Variants in PKHD1L1 observed in about 807,000 individuals in gnomAD.
The protein encoded by PKHD1L1 is fibrocystin-L.
Under a neutral mutation model 462.9 loss-of-function variants are expected in PKHD1L1, and 434 were observed. That is an observed-to-expected ratio of 0.94 (90% CI 0.87 to 1.02). The LOEUF is 1.02. PKHD1L1 is among the 50% of genes least tolerant of loss of function. The pLI is 0.00. For synonymous variants in PKHD1L1, 1,781 were observed against 1,750.0 expected (o/e 1.02, Z -0.44); for missense variants, 5,202 against 5,096.1 (o/e 1.02, Z -0.63).
At position 109,435,276 on chromosome 8, in the gene PKHD1L1, A is replaced by G. The variant is rs1320027996; in HGVS notation, c.3427A>G (p.Asn1143Asp). The G allele has an allele frequency of 6.2e-7, 1 of 1,613,864 alleles. No homozygotes were observed. The highest frequency in any genetic ancestry group is 2.2e-5 in the East Asian group (1 of 44,880). Reference sequence around the variant, plus strand: ...CATGGCTGATGTTGGACTAGCACAGAATGTAGGGGGTGAAGAGTTCTACTT... The same window carrying G: ...CATGGCTGATGTTGGACTAGCACAGGATGTAGGGGGTGAAGAGTTCTACTT... ...VSMADVGLAQ[N>D]VGGEEFYFVY... The change falls in exon 29 of 78, where the codon AAT (asparagine) becomes GAT (aspartate). Residue 1143 changes from asparagine to aspartate, a missense_variant. Asn to Asp is a conservative substitution (Grantham distance 23). Transcript: ENST00000378402.
chr8:109,417,264 A>G (rs1470703151), intron 21 of PKHD1L1, among the ~76,000 whole-genome samples: 1 of 152,162 alleles, frequency 6.6e-6, no homozygotes, highest in African/African-American at 2.4e-5. Flanking sequence ...TTTACATGAT[A>G]TGATTATTAT....
chr8:109,474,279 T>C (rs1301054273), intron 50 of PKHD1L1, among the ~76,000 whole-genome samples: 2 of 152,118 alleles, frequency 1.3e-5, no homozygotes, highest in Admixed American at 1.3e-4. Context: ...TACTTTAATA[T>C]AAAATCCAAT....
intron 72 of PKHD1L1, among the ~76,000 whole-genome samples, chr8:109,516,905 A>G (rs937445268): frequency 7.2e-5 from 11 of 152,154 alleles, no homozygotes; most frequent in African/African-American, 2.7e-4. Flanking sequence ...ATAGTGGAAT[A>G]AGGCACTTCG....
intron 46 of PKHD1L1, among the ~76,000 whole-genome samples, chr8:109,459,187 C>T (rs1816976612): frequency 6.6e-6 from 1 of 152,042 alleles, no homozygotes; most frequent in Admixed American, 6.6e-5. Context: ...CCCCTGGTCT[C>T]TACCTACCAG....
At position 109,394,425 on chromosome 8, in the gene PKHD1L1, C is replaced by T; in HGVS notation, c.751C>T (p.Gln251Ter). The stretch of plus-strand genomic sequence containing the variant: ...ATCTTTTTTTAACAGGAGTTTTCCA[C>T]AGAAAATGGCATATTTTGTTTCTTC... Reference protein sequence around the residue: ...LDNDYGRSFPQKMAYFVSSLN... With the variant: ...LDNDYGRSFP Residue 251 changes from glutamine (Q) to a stop codon, truncating the protein, a stop_gained, in exon 10 of 78, where the codon CAG (glutamine) becomes TAG (stop). Coordinates refer to ENST00000378402, the MANE Select transcript of PKHD1L1 (RefSeq NM_177531.6). LOFTEE classifies it high-confidence loss of function. 6.7e-7 allele frequency: 1 copy of T among 1,503,646 alleles called. No homozygotes were observed. The highest frequency in any genetic ancestry group is 2.2e-5 in the Admixed American group (1 of 45,536). 93.1% of individuals were successfully genotyped at this position (1,503,646 alleles called of 1,614,324 possible).
chr8:109,452,845 C>A lies in PKHD1L1; in HGVS notation c.6635C>A (p.Thr2212Asn). Reference sequence around the variant, plus strand: ...CAGACCATTCTGCTGGATCAAAGCACCCCTATTTTGAAAATGTTGCTTATT... The same window carrying A: ...CAGACCATTCTGCTGGATCAAAGCAACCCTATTTTGAAAATGTTGCTTATT... ...KGQTILLDQS[T>N]PILKMLLIQG... is the part of the protein sequence containing the mutation. The change falls in exon 43 of 78, where the codon ACC becomes AAC. Residue 2212 changes from threonine (T) to asparagine (N), a missense_variant. Thr to Asn is a moderately conservative substitution (Grantham distance 65, BLOSUM62 0). Transcript: ENST00000378402. The A allele has an allele frequency of 6.7e-7, 1 of 1,501,946 alleles. No homozygotes were observed. Among genetic ancestry groups the A allele is most frequent in the Non-Finnish European group, 8.9e-7 (1 of 1,126,706 alleles). The allele number at this position is 1,501,946 out of a possible 1,614,324, so 93.0% of individuals were successfully genotyped here.
chr8:109,379,264 G>A (rs1243070648), intron 2 of PKHD1L1, among the ~76,000 whole-genome samples: 1 of 152,120 alleles, frequency 6.6e-6, no homozygotes. Context: ...TACCGGAACT[G>A]ACCCTCCAAT....
chr8:109,480,456 T>A, intron 55 of PKHD1L1: 1 of 417,764 alleles, frequency 2.4e-6, no homozygotes. Context: ...GTCCTAGGAG[T>A]TCTGAAACAA....
chr8:109,514,984 T>A (rs1324151490), intron 71 of PKHD1L1, among the ~76,000 whole-genome samples, 186 bp from the exon 72 acceptor site: 1 of 152,104 alleles, frequency 6.6e-6, no homozygotes, highest in Non-Finnish European at 1.5e-5. Context: ...AAGGGTTAAG[T>A]TGTACTATCT....
intron 14 of PKHD1L1, among the ~76,000 whole-genome samples, chr8:109,403,521 G>T (rs559215904): frequency 1.3e-5 from 2 of 152,240 alleles, no homozygotes; most frequent in African/African-American, 4.8e-5. Context: ...CAAAGAAAGT[G>T]CCCAATTAAT....
chr8:109,383,650 C>G (rs1812287566), intron 4 of PKHD1L1, among the ~76,000 whole-genome samples: 1 of 151,200 alleles, frequency 6.6e-6, no homozygotes. Flanking sequence ...AAATACGATT[C>G]CCAGATATCT....
intron 26 of PKHD1L1, 144 bp from the exon 27 acceptor site, chr8:109,429,788 T>C: frequency 1.5e-6 from 1 of 663,490 alleles, no homozygotes; most frequent in East Asian, 2.8e-5. Flanking sequence ...CAAAAATGAA[T>C]GAAATATCAA....
In PKHD1L1 at chr8:109,449,335, T is replaced by A. The variant is rs370840692; in HGVS notation, c.6026-3T>A. The A allele has an allele frequency of 3.1e-4, 485 of 1,567,008 alleles. 1 individual carries two copies. The highest frequency in any genetic ancestry group is 3.8e-4 in the Non-Finnish European group (439 of 1,154,678). Reference sequence around the variant, plus strand: ...GTTTTTCCTTTTTATTTGTCTTCACTAGGGAGCTTTGGTGGGGGTCAAACC... The same window carrying A: ...GTTTTTCCTTTTTATTTGTCTTCACAAGGGAGCTTTGGTGGGGGTCAAACC... On this transcript the variant is annotated splice_region_variant and splice_polypyrimidine_tract_variant and intron_variant, in intron 39 of 77. Transcript: ENST00000378402.
intron 68 of PKHD1L1, among the ~76,000 whole-genome samples, chr8:109,505,125 A>G (rs1173778216): frequency 6.6e-6 from 1 of 151,996 alleles, no homozygotes; most frequent in Non-Finnish European, 1.5e-5. Flanking sequence ...CCTGGCCTCA[A>G]GGGTTCCTTC....
At chr8:109,380,673 T>C (rs775062682) in intron 2 of PKHD1L1, among the ~76,000 whole-genome samples, 1 of 152,194 alleles carries the variant, frequency 6.6e-6, no homozygotes, top group Non-Finnish European at 1.5e-5. Flanking sequence ...ACATGCTATA[T>C]TTTCCTTAGA....
chr8:109,452,327 A>G, intron 42 of PKHD1L1, 47 bp downstream of exon 42: 3 of 1,434,500 alleles, frequency 2.1e-6, no homozygotes, highest in Admixed American at 2.4e-5. Context: ...GAAAACCAGC[A>G]TTATGGGAGG....
Position 109,507,852 on chromosome 8 carries a change from G to A in PKHD1L1, c.11184G>A (p.Leu3728=). 6.2e-7 allele frequency: 1 copy of A among 1,613,542 alleles called. No homozygotes were observed. Among genetic ancestry groups the A allele is most frequent in the South Asian group, 1.1e-5 (1 of 91,066 alleles). ...TTCCTAAGGCGATGCTCACATTCTT[G>A]AATGGAAGTAGAATTCCTGTCACTG... ...YRIPKAMLTF[L]NGSRIPVTEK... The change falls in exon 69 of 78, where the codon TTG becomes TTA. Residue 3728 remains leucine (L), a synonymous_variant. Coordinates refer to ENST00000378402, the MANE Select transcript of PKHD1L1 (RefSeq NM_177531.6).
At chr8:109,364,215 T>G (rs965269969) in intron 1 of PKHD1L1, among the ~76,000 whole-genome samples, 2 of 152,246 alleles carry the variant, frequency 1.3e-5, no homozygotes, top group East Asian at 3.8e-4. Context: ...AGCATAGTTA[T>G]AGATCTGCAG....
chr8:109,522,136 C>G (rs752230617), intron 73 of PKHD1L1, 50 bp from the exon 74 acceptor site: 1 of 1,486,994 alleles, frequency 6.7e-7, no homozygotes, highest in African/African-American at 1.4e-5. Flanking sequence ...CATGTGTTCT[C>G]ACAATTCTAT....
Sources: gnomAD v4.1 joint callset for allele counts (sites outside exome capture counted in the v4.1 genomes callset) on GRCh38, gnomAD v4.1.1 for gene constraint, MANE v1.5 for transcripts, NCBI Gene and HGNC (gene_info 2026-07-23, HGNC 2026-07-21) for gene names.